Variants in ROBO2 observed in about 807,000 individuals in gnomAD.
ROBO2 encodes the protein roundabout homolog 2.
Under a neutral mutation model 160.8 loss-of-function variants are expected in ROBO2, and 53 were observed. The ratio of observed to expected loss-of-function variants is 0.33; its 90% confidence interval spans 0.26 to 0.41. ROBO2 has a LOEUF of 0.41. ROBO2 is among the 10% of genes least tolerant of loss of function. ROBO2 has a pLI of 1.00. For missense variants in ROBO2, 1,577 were observed against 1,722.4 expected (o/e 0.92, Z 1.49); for synonymous variants, 664 against 611.7 (o/e 1.09, Z -1.26).
exon 20 of ROBO2, chr3:77,602,239 G>C: frequency 6.2e-7 from 1 of 1,614,092 alleles, no homozygotes; most frequent in Non-Finnish European, 8.5e-7. Context: ...AGGCCAAGGG[G>C]ATAAAACAGC....
At chr3:76,605,842 C>T (rs1019711468) in intron 2 of ROBO2, among the ~76,000 whole-genome samples, 2 of 152,072 alleles carry the variant, frequency 1.3e-5, no homozygotes, top group African/African-American at 4.8e-5. Context: ...AGAAAATACA[C>T]TTTGGAAGAT....
intron 2 of ROBO2, among the ~76,000 whole-genome samples, chr3:76,876,344 T>A (rs2072717248): frequency 6.6e-6 from 1 of 152,206 alleles, no homozygotes; most frequent in South Asian, 2.1e-4. Flanking sequence ...ATTAGACACA[T>A]AAGAGGTCTT....
chr3:77,119,070 A>G (rs2074484758), intron 2 of ROBO2, among the ~76,000 whole-genome samples: 1 of 151,978 alleles, frequency 6.6e-6, no homozygotes, highest in Non-Finnish European at 1.5e-5. Context: ...TTCTCACGAG[A>G]TCTGATCCTT....
intron 1 of ROBO2, among the ~76,000 whole-genome samples, chr3:77,076,073 A>T (rs944213585): frequency 6.6e-6 from 1 of 152,182 alleles, no homozygotes; most frequent in African/African-American, 2.4e-5. Context: ...AAAAAAGAAA[A>T]AAAAAGGAAA....
intron 2 of ROBO2, among the ~76,000 whole-genome samples, chr3:77,332,990 T>C (rs555865946): frequency 6.6e-6 from 1 of 152,338 alleles, no homozygotes; most frequent in South Asian, 2.1e-4. Flanking sequence ...TGATTTGCCC[T>C]TCTGGAACCA....
At chr3:77,135,425 G>A (rs2076202706) in intron 2 of ROBO2, among the ~76,000 whole-genome samples, 2 of 151,984 alleles carry the variant, frequency 1.3e-5, no homozygotes, top group African/African-American at 2.4e-5. Context: ...TTTAGAAACA[G>A]GGTTTCTCTC....
chr3:77,485,243 C>T (rs1436061030), intron 4 of ROBO2, among the ~76,000 whole-genome samples: 1 of 152,062 alleles, frequency 6.6e-6, no homozygotes, highest in Non-Finnish European at 1.5e-5. Context: ...ACCAAAATGC[C>T]TTCATTCTCT....
At chr3:77,079,153 G>A (rs1199656654) in intron 1 of ROBO2, among the ~76,000 whole-genome samples, 1 of 152,052 alleles carries the variant, frequency 6.6e-6, no homozygotes, top group African/African-American at 2.4e-5. Flanking sequence ...CACCTTGTTG[G>A]TCAGGCTGGT....
At chr3:76,145,510 A>G (rs1349593752) in intron 2 of ROBO2, among the ~76,000 whole-genome samples, 1 of 151,984 alleles carries the variant, frequency 6.6e-6, no homozygotes, top group Admixed American at 6.6e-5. Flanking sequence ...GTGATGAGCT[A>G]CCTTTTATAC....
intron 2 of ROBO2, among the ~76,000 whole-genome samples, chr3:76,956,937 A>G (rs2079315310): frequency 6.6e-6 from 1 of 152,078 alleles, no homozygotes; most frequent in South Asian, 2.1e-4. Flanking sequence ...AACTAAATGT[A>G]TACAATTCCT....
intron 1 of ROBO2, among the ~76,000 whole-genome samples, chr3:77,086,179 G>T (rs2069282588): frequency 6.6e-6 from 1 of 151,984 alleles, no homozygotes; most frequent in Admixed American, 6.6e-5. Context: ...ATTGTTTTTA[G>T]GGGGGTTACA....
intron 2 of ROBO2, among the ~76,000 whole-genome samples, chr3:76,047,339 GATA>G (rs1576624862): frequency 6.6e-6 from 1 of 152,118 alleles, no homozygotes; most frequent in African/African-American, 2.4e-5. Flanking sequence ...TTCTTTTAAG[GATA>G]ATATTTGATC....
rs545591363 is a variant in ROBO2, at chr3:76,046,945, A to G, written c.109+109343A>G. Among the ~76,000 whole-genome samples the G allele has an allele frequency of 9.4e-4, 143 of 152,264 alleles. No homozygotes were observed. In the Middle Eastern group the frequency reaches 0.01, roughly 11 times the overall value. ...AAGTATCCATTTGTTCATTGACCAC[A>G]TTTCTGACACCATCTTGCTTCCCTA... On this transcript the variant is annotated intron_variant, in intron 2 of 26. Coordinates refer to the ROBO2 transcript ENST00000487694.
intron 2 of ROBO2, among the ~76,000 whole-genome samples, chr3:76,969,876 T>A (rs1245779195): frequency 6.6e-6 from 1 of 152,054 alleles, no homozygotes; most frequent in Non-Finnish European, 1.5e-5. Flanking sequence ...AGAATGTTTT[T>A]AAAGCAGACA....
intron 2 of ROBO2, among the ~76,000 whole-genome samples, chr3:76,867,136 A>T (rs572651258): frequency 6.6e-6 from 1 of 152,202 alleles, no homozygotes; most frequent in Non-Finnish European, 1.5e-5. Context: ...GAGTATTAAC[A>T]CTAGCCTAGA....
At chr3:76,189,898 T>TC in intron 2 of ROBO2, among the ~76,000 whole-genome samples, 1 of 152,100 alleles carries the variant, frequency 6.6e-6, no homozygotes, top group East Asian at 1.9e-4. Flanking sequence ...TCTAAAGGCA[T>TC]ACAAAGAATT....
At chr3:76,193,883 C>A (rs1176780675) in intron 2 of ROBO2, among the ~76,000 whole-genome samples, 1 of 152,076 alleles carries the variant, frequency 6.6e-6, no homozygotes, top group Non-Finnish European at 1.5e-5. Flanking sequence ...GTTCTATTTT[C>A]AGAATTAAGA....
At chr3:76,034,775 A>T (rs1354103911) in intron 2 of ROBO2, among the ~76,000 whole-genome samples, 1 of 152,028 alleles carries the variant, frequency 6.6e-6, no homozygotes, top group East Asian at 1.9e-4. Flanking sequence ...CCTTCGTGTG[A>T]CATTTATGAG....
In ROBO2 at chr3:77,459,370, C is replaced by T. The variant is rs563104905; in HGVS notation, c.389-18044C>T. Among the ~76,000 whole-genome samples the T allele has an allele frequency of 1.6e-4, 25 of 152,086 alleles. 1 individual carries two copies. The highest frequency in any genetic ancestry group is 1.2e-3 in the East Asian group (6 of 5,182). ...TGCATATGTAATAATTAACTATATC[C>T]GGTTTAGTAATGACAAGAATTGAAA... On this transcript the variant is annotated intron_variant, in intron 2 of 25. Transcript: ENST00000461745.
Sources: allele counts gnomAD v4.1 joint callset (sites outside exome capture counted in the v4.1 genomes callset), GRCh38; gene constraint gnomAD v4.1.1; transcripts MANE v1.5; gene names NCBI Gene and HGNC (gene_info 2026-07-23, HGNC 2026-07-21).